Variants in SEMA3D observed in about 807,000 individuals in gnomAD.
SEMA3D encodes semaphorin-3D.
A neutral mutation model predicts 100.1 loss-of-function variants in SEMA3D; 84 were observed. The observed-to-expected ratio is 0.84, with a 90% confidence interval of 0.70 to 1.01. The LOEUF (loss-of-function observed/expected upper bound fraction) is 1.01. Among genes scored for constraint, SEMA3D ranks in the 50% least tolerant of loss-of-function variants. The pLI is 0.00. For synonymous variants in SEMA3D, 312 were observed against 320.7 expected (o/e 0.97, Z 0.29); for missense variants, 875 against 934.1 (o/e 0.94, Z 0.82).
intron 18 of SEMA3D, among the ~76,000 whole-genome samples, chr7:85,004,179 AC>A (rs1160077914): frequency 2.6e-5 from 4 of 152,066 alleles, no homozygotes; most frequent in Admixed American, 2.6e-4. Context: ...GAAAATGCTC[AC>A]AGTGCAATGG....
intron 2 of SEMA3D, among the ~76,000 whole-genome samples, chr7:85,135,246 C>T (rs920316138): frequency 1.3e-5 from 2 of 152,148 alleles, no homozygotes; most frequent in Admixed American, 6.6e-5. Flanking sequence ...GCAAAATAAA[C>T]AATGGCTATT....
chr7:85,095,884 T>C (rs1251510390), intron 4 of SEMA3D, among the ~76,000 whole-genome samples: 1 of 152,052 alleles, frequency 6.6e-6, no homozygotes, highest in African/African-American at 2.4e-5. Flanking sequence ...ATTTCATGCA[T>C]GGAACATCGC....
chr7:85,236,127 T>C, the SEMA3D span, among the ~76,000 whole-genome samples: 6 of 151,938 alleles, frequency 3.9e-5, no homozygotes, highest in Admixed American at 3.9e-4. Context: ...GGCTTTCAGA[T>C]ACCAAATGAG....
chr7:85,222,732 A>G, the SEMA3D span, among the ~76,000 whole-genome samples: 1 of 152,094 alleles, frequency 6.6e-6, no homozygotes, highest in African/African-American at 2.4e-5. Flanking sequence ...CATCATCAAC[A>G]AAGAATGCGA....
At chr7:85,095,120 T>TAATTTATTTGACTAATATATTTA (rs1788511616) in intron 4 of SEMA3D, among the ~76,000 whole-genome samples, 1 of 152,012 alleles carries the variant, frequency 6.6e-6, no homozygotes, top group Admixed American at 6.6e-5. Context: ...TTGTCAAATA[T>TAATTTATTTGACTAATATATTTA]TTACTAATTA....
chr7:85,020,717 T>C (rs1360963836), intron 13 of SEMA3D, among the ~76,000 whole-genome samples: 1 of 151,556 alleles, frequency 6.6e-6, no homozygotes, highest in Non-Finnish European at 1.5e-5. Context: ...ATATATTTAT[T>C]AAGTAGTTAT....
intron 2 of SEMA3D, among the ~76,000 whole-genome samples, chr7:85,122,962 C>G (rs77656901): frequency 1.3e-5 from 2 of 152,046 alleles, no homozygotes; most frequent in Middle Eastern, 6.3e-3. Flanking sequence ...ATCATATTAT[C>G]GAGCATTTAT....
intron 3 of SEMA3D, among the ~76,000 whole-genome samples, chr7:85,118,682 G>A (rs547819313): frequency 6.6e-6 from 1 of 152,048 alleles, no homozygotes; most frequent in East Asian, 1.9e-4. Flanking sequence ...TTTGTCAGGT[G>A]CATAGTTTGC....
intron 2 of SEMA3D, among the ~76,000 whole-genome samples, chr7:85,145,243 A>G (rs910342278): frequency 6.6e-6 from 1 of 152,082 alleles, no homozygotes; most frequent in African/African-American, 2.4e-5. Flanking sequence ...AAACCAAAAA[A>G]AAAATGCGTG....
chr7:85,052,843 CAA>C (rs150982182), intron 9 of SEMA3D, among the ~76,000 whole-genome samples: 2,497 of 151,918 alleles, frequency 0.016, 41 homozygotes, highest in South Asian at 0.067. Context: ...AAATAATAAA[CAA>C]AAGAGTTATA....
chr7:85,190,104 T>A (rs1791660696), upstream of SEMA3D, among the ~76,000 whole-genome samples: 1 of 152,206 alleles, frequency 6.6e-6, no homozygotes, highest in African/African-American at 2.4e-5. Context: ...GATTTGGCTG[T>A]CCTCTCAGCA....
intron 4 of SEMA3D, among the ~76,000 whole-genome samples, chr7:85,092,631 T>C (rs946642632): frequency 1.3e-5 from 2 of 152,036 alleles, no homozygotes; most frequent in African/African-American, 2.4e-5. Flanking sequence ...AAAATATGTT[T>C]TCTGTACATT....
intron 8 of SEMA3D, among the ~76,000 whole-genome samples, chr7:85,059,147 G>A (rs1399866740): frequency 6.6e-6 from 1 of 152,160 alleles, no homozygotes; most frequent in Admixed American, 6.5e-5. Context: ...CTTAAATCCA[G>A]TGCTGCCAAA....
chr7:85,012,483 CT>C (rs1789982539), intron 17 of SEMA3D, among the ~76,000 whole-genome samples: 1 of 151,656 alleles, frequency 6.6e-6, no homozygotes, highest in East Asian at 1.9e-4. Flanking sequence ...TGTTTTATCT[CT>C]AATAGCAGTT....
At chr7:85,135,494 G>A (rs531031224) in intron 2 of SEMA3D, among the ~76,000 whole-genome samples, 6 of 151,838 alleles carry the variant, frequency 4.0e-5, no homozygotes, top group African/African-American at 1.2e-4. Flanking sequence ...ATAACACACC[G>A]GGGCCTGTCG....
At chr7:85,003,249 T>C (rs1030390707) in intron 18 of SEMA3D, among the ~76,000 whole-genome samples, 4 of 152,082 alleles carry the variant, frequency 2.6e-5, no homozygotes, top group African/African-American at 7.2e-5. Flanking sequence ...CCATCTATTA[T>C]ACCACAAAAC....
chr7:85,170,304 A>T (rs1791050549), intron 1 of SEMA3D, among the ~76,000 whole-genome samples: 1 of 151,950 alleles, frequency 6.6e-6, no homozygotes, highest in South Asian at 2.1e-4. Context: ...TGAAACAGTC[A>T]TCTTCCTTTA....
the SEMA3D span, among the ~76,000 whole-genome samples, chr7:85,249,343 C>T: frequency 2.6e-5 from 4 of 152,004 alleles, no homozygotes; most frequent in East Asian, 1.9e-4. Context: ...AAAGAAGAGC[C>T]GAAGGATACC....
chr7:85,149,812 G>A (rs1026151859), intron 2 of SEMA3D, among the ~76,000 whole-genome samples: 1 of 152,054 alleles, frequency 6.6e-6, no homozygotes, highest in Non-Finnish European at 1.5e-5. Context: ...AGACACTCTG[G>A]AGTAATACAG....
Sources: allele counts gnomAD v4.1 joint callset (sites outside exome capture counted in the v4.1 genomes callset), GRCh38; gene constraint gnomAD v4.1.1; transcripts MANE v1.5; gene names NCBI Gene and HGNC (gene_info 2026-07-23, HGNC 2026-07-21).